Variants in RB1CC1 observed in about 807,000 individuals in gnomAD.
The protein encoded by RB1CC1 is RB1-inducible coiled-coil protein 1.
Under a neutral mutation model 177.5 loss-of-function variants are expected in RB1CC1, and 46 were observed. The observed-to-expected ratio is 0.26, with a 90% confidence interval of 0.20 to 0.33. The LOEUF (loss-of-function observed/expected upper bound fraction) is 0.33, where lower values mean the gene tolerates loss of function less well. Among genes scored for constraint, RB1CC1 ranks in the 10% least tolerant of loss-of-function variants. The probability of loss-of-function intolerance (pLI) is 1.00; values close to 1 mark genes in which losing one functional copy is unlikely to be tolerated. For missense variants in RB1CC1, 1,703 were observed against 1,816.3 expected (o/e 0.94, Z 1.13); for synonymous variants, 666 against 613.6 (o/e 1.09, Z -1.26).
Position 52,656,634 on chromosome 8 carries a change from C to A in RB1CC1, c.3195G>T (p.Ala1065=), listed in dbSNP as rs16918075. ...TTTCATCAGTTTCTGCTTCCTTCAA[C>A]GCAAGTTCAACCTCTAACTTGCATC... The part of the protein sequence containing the change: ...DTRCKLEVEL[A]LKEAETDEIK... Residue 1065 remains alanine (A), a synonymous_variant, in exon 15 of 24, where the codon GCG becomes GCT. Coordinates refer to ENST00000025008, the MANE Select transcript of RB1CC1 (RefSeq NM_014781.5). 3 of 1,613,710 alleles carry A rather than the reference C, an allele frequency of 1.9e-6. No individual in the cohort carries two copies. Among genetic ancestry groups the A allele is most frequent in the Non-Finnish European group, 8.5e-7 (1 of 1,179,910 alleles).
rs1554559620 is a variant in RB1CC1 at position 52,704,472 on chromosome 8, A to AAAC, written c.-167+9600_-167+9602dup. Among the ~76,000 whole-genome samples, 9 of 139,756 alleles carry AAAC rather than the reference A, an allele frequency of 6.4e-5. 1 individual carries two copies. Among genetic ancestry groups the AAAC allele is most frequent in the Non-Finnish European group, 6.2e-5 (4 of 64,606 alleles). The allele number at this position is 139,756 out of a possible 152,430, so 91.7% of individuals were successfully genotyped here. ...GGTGACATTAAAAAAAAAAAAAAAA[A>AAAC]AACACAAAAGTATATGTAAAATCAA... On this transcript the variant is annotated intron_variant, in intron 1 of 23. Transcript: ENST00000025008.
intron 22 of RB1CC1, among the ~76,000 whole-genome samples, chr8:52,625,540 TATG>T (rs1360704309): frequency 1.3e-5 from 2 of 152,172 alleles, no homozygotes; most frequent in Non-Finnish European, 2.9e-5. Context: ...CCTTTCAACT[TATG>T]ATAAGGTTAT....
At chr8:52,627,737 T>A (rs1848496824) in intron 22 of RB1CC1, among the ~76,000 whole-genome samples, 1 of 152,132 alleles carries the variant, frequency 6.6e-6, no homozygotes, top group South Asian at 2.1e-4. Flanking sequence ...TTTTGAATAG[T>A]CTGTACATGA....
At chr8:52,681,457 G>A (rs997733474) in intron 5 of RB1CC1, among the ~76,000 whole-genome samples, 1 of 152,154 alleles carries the variant, frequency 6.6e-6, no homozygotes, top group African/African-American at 2.4e-5. Flanking sequence ...GAAGTAATCA[G>A]ACATAAACTC....
At chr8:52,649,153 TTTAA>T in intron 15 of RB1CC1, among the ~76,000 whole-genome samples, 1 of 152,332 alleles carries the variant, frequency 6.6e-6, no homozygotes, top group East Asian at 1.9e-4. Context: ...AATGACTGTA[TTTAA>T]TCTAACAACA....
intron 18 of RB1CC1, among the ~76,000 whole-genome samples, chr8:52,636,447 A>T (rs1849148404): frequency 6.6e-6 from 1 of 152,200 alleles, no homozygotes; most frequent in Non-Finnish European, 1.5e-5. Flanking sequence ...TGTACTCACT[A>T]GTTACTATGC....
At position 52,683,716 on chromosome 8, in the gene RB1CC1, T is replaced by A; in HGVS notation, c.202A>T (p.Thr68Ser). The A allele has an allele frequency of 6.3e-7, 1 of 1,575,616 alleles. No homozygotes were observed. The highest frequency in any genetic ancestry group is 8.6e-7 in the Non-Finnish European group (1 of 1,162,228). The change falls in exon 5 of 24, where the codon ACA becomes TCA. Residue 68 changes from threonine (T) to serine (S), a missense_variant. Coordinates refer to ENST00000025008, the MANE Select transcript of RB1CC1 (RefSeq NM_014781.5). ...RVCTYSAGTD[T>S]NPIFLFNKEM... ...TTGTTAAAAAGAAAAATTGGATTTGTATCCTATATTTTTTAAAAAAGGAGA... is the reference window on the plus strand; with the variant it reads ...TTGTTAAAAAGAAAAATTGGATTTGAATCCTATATTTTTTAAAAAAGGAGA...
intron 15 of RB1CC1, 138 bp downstream of exon 15, chr8:52,655,870 A>C: frequency 1.6e-6 from 1 of 624,076 alleles, no homozygotes; most frequent in East Asian, 2.8e-5. Flanking sequence ...CTGACTAAAA[A>C]GTAAGTTTTT....
intron 7 of RB1CC1, among the ~76,000 whole-genome samples, chr8:52,672,577 C>G (rs1020281751): frequency 2.0e-5 from 3 of 152,046 alleles, no homozygotes; most frequent in African/African-American, 7.2e-5. Context: ...AAGACCCCGT[C>G]TGTGCAAACA....
intron 18 of RB1CC1, among the ~76,000 whole-genome samples, chr8:52,637,397 G>GGT (rs1429521584): frequency 2.0e-5 from 3 of 151,966 alleles, no homozygotes; most frequent in Non-Finnish European, 2.9e-5. Context: ...TAAGAGACAG[G>GGT]GTCTTGTTAT....
At chr8:52,693,176 G>GAATACCTAGGC (rs1302566985) in intron 1 of RB1CC1, among the ~76,000 whole-genome samples, 3 of 152,074 alleles carry the variant, frequency 2.0e-5, no homozygotes, top group Admixed American at 2.0e-4. Flanking sequence ...AACCCTAGAA[G>GAATACCTAGGC]AATACCTAGG....
intron 5 of RB1CC1, among the ~76,000 whole-genome samples, chr8:52,677,024 C>A (rs1853194787): frequency 6.6e-6 from 1 of 152,114 alleles, no homozygotes; most frequent in Non-Finnish European, 1.5e-5. Context: ...AATATTTAAG[C>A]AGTGAAAATA....
chr8:52,668,214 C>G (rs752800732), intron 7 of RB1CC1, 23 bp from the exon 8 acceptor site: 2 of 1,607,108 alleles, frequency 1.2e-6, no homozygotes. Context: ...GAAACACATA[C>G]GAATACAATT....
intron 22 of RB1CC1, among the ~76,000 whole-genome samples, chr8:52,625,133 T>C (rs111230630): frequency 4.6e-5 from 7 of 152,226 alleles, no homozygotes; most frequent in African/African-American, 1.7e-4. Flanking sequence ...TTGAAAGAAC[T>C]AATAAAGATG....
At chr8:52,641,016 A>AGGGGT (rs1849523692) in intron 18 of RB1CC1, among the ~76,000 whole-genome samples, 1 of 152,128 alleles carries the variant, frequency 6.6e-6, no homozygotes, top group Non-Finnish European at 1.5e-5. Context: ...CTGAGTGGGC[A>AGGGGT]GGGGTGGGGT....
chr8:52,666,067 T>C (rs1330242986), intron 8 of RB1CC1, among the ~76,000 whole-genome samples: 3 of 152,038 alleles, frequency 2.0e-5, no homozygotes, highest in African/African-American at 7.3e-5. Context: ...ACTAAAGTAA[T>C]TTACGATGGT....
At chr8:52,701,434 G>A (rs1429487740) in intron 1 of RB1CC1, among the ~76,000 whole-genome samples, 1 of 152,070 alleles carries the variant, frequency 6.6e-6, no homozygotes, top group Non-Finnish European at 1.5e-5. Context: ...CAAGGGACCA[G>A]ATCTATACAA....
chr8:52,673,968 C>T lies in RB1CC1; in HGVS notation c.879G>A (p.Thr293=), dbSNP rs551638963. The change falls in exon 7 of 24, where the codon ACG becomes ACA. Residue 293 remains threonine, a synonymous_variant. Coordinates refer to ENST00000025008, the MANE Select transcript of RB1CC1 (RefSeq NM_014781.5). The part of the protein sequence containing the change: ...QSTVHQQDET[T]IDTKDGDLPF... ...GCAGATCACCATCTTTAGTGTCAAT[C>T]GTAGTTTCATCTTGCTGATGAACAG... is the stretch of plus-strand genomic sequence containing the variant. 117 of 1,614,122 alleles carry T rather than the reference C, an allele frequency of 7.2e-5. 1 individual carries two copies. In the South Asian group the frequency reaches 1.2e-3, roughly 16 times the overall value.
intron 1 of RB1CC1, among the ~76,000 whole-genome samples, chr8:52,710,297 C>T (rs1856940738): frequency 6.6e-6 from 1 of 152,150 alleles, no homozygotes; most frequent in Non-Finnish European, 1.5e-5. Flanking sequence ...AAATATACGC[C>T]TTGTCTACAA....
Sources: gnomAD v4.1 joint callset for allele counts (sites outside exome capture counted in the v4.1 genomes callset) on GRCh38, gnomAD v4.1.1 for gene constraint, MANE v1.5 for transcripts, NCBI Gene and HGNC (gene_info 2026-07-23, HGNC 2026-07-21) for gene names.